The following SMYD2 variants were observed in gnomAD, a reference collection of about 807,000 sequenced individuals.
SMYD2 encodes the protein N-lysine methyltransferase SMYD2.
A neutral mutation model predicts 59.1 loss-of-function variants in SMYD2; 53 were observed. The observed-to-expected ratio is 0.90, with a 90% CI of 0.72 to 1.13. The LOEUF is 1.13. SMYD2 is among the 50% of genes most tolerant of loss of function. The probability of loss-of-function intolerance (pLI) is 0.00; values close to 1 mark genes in which losing one functional copy is unlikely to be tolerated. For synonymous variants in SMYD2, 208 were observed against 198.8 expected (o/e 1.05, Z -0.39); for missense variants, 494 against 544.7 (o/e 0.91, Z 0.93).
chr1:214,313,921 G>C (rs1657039199), intron 2 of SMYD2, among the ~76,000 whole-genome samples: 1 of 152,136 alleles, frequency 6.6e-6, no homozygotes, highest in East Asian at 1.9e-4. Context: ...GCTCACGCCT[G>C]TAATCCCTGC....
intron 1 of SMYD2, among the ~76,000 whole-genome samples, chr1:214,295,794 C>T (rs545753566): frequency 6.6e-6 from 1 of 152,264 alleles, no homozygotes; most frequent in African/African-American, 2.4e-5. Flanking sequence ...TATCCTTGTC[C>T]CCTGACCAGG....
At chr1:214,311,736 A>G (rs1380740390) in intron 2 of SMYD2, among the ~76,000 whole-genome samples, 1 of 152,140 alleles carries the variant, frequency 6.6e-6, no homozygotes, top group Non-Finnish European at 1.5e-5. Flanking sequence ...TAATAATTAT[A>G]TTAATAAATG....
chr1:214,285,570 C>T (rs551756816), intron 1 of SMYD2, among the ~76,000 whole-genome samples: 1 of 152,152 alleles, frequency 6.6e-6, no homozygotes, highest in African/African-American at 2.4e-5. Context: ...GGTGGTAAGA[C>T]TAAAACATAC....
At chr1:214,292,076 A>G (rs1656643811) in intron 1 of SMYD2, among the ~76,000 whole-genome samples, 1 of 137,110 alleles carries the variant, frequency 7.3e-6, no homozygotes, top group African/African-American at 2.9e-5. Flanking sequence ...CAGCTACTAA[A>G]TATTTTCTAG....
chr1:214,320,426 A>G (rs1657155077), intron 5 of SMYD2, among the ~76,000 whole-genome samples: 1 of 152,212 alleles, frequency 6.6e-6, no homozygotes, highest in African/African-American at 2.4e-5. Flanking sequence ...CATGCTAAGA[A>G]GGAGAAAAAG....
At chr1:214,303,882 G>T (rs1179837112) in intron 1 of SMYD2, among the ~76,000 whole-genome samples, 1 of 152,244 alleles carries the variant, frequency 6.6e-6, no homozygotes. Context: ...GCCGCTTCGT[G>T]CTGTCGGTAT....
rs1278025571 is a variant in SMYD2, at chr1:214,312,927, G to C, written c.238-1835G>C. The stretch of plus-strand genomic sequence containing the variant: ...AGTCCATGGGAGCAAGGACAGAAGC[G>C]GGCATCCAGTTAGAAGGCAGTGGCA... On this transcript the variant is annotated intron_variant, in intron 2 of 11. Transcript: ENST00000366957. The surrounding 1 kb of genome is among the most constrained non-coding windows in gnomAD (Gnocchi z 4.1). Among the ~76,000 whole-genome samples the C allele has an allele frequency of 6.6e-6, 1 of 152,166 alleles. No homozygotes were observed. The highest frequency in any genetic ancestry group is 6.5e-5 in the Admixed American group (1 of 15,278).
At chr1:214,317,092 G>A (rs1243120960) in intron 3 of SMYD2, among the ~76,000 whole-genome samples, 1 of 152,200 alleles carries the variant, frequency 6.6e-6, no homozygotes, top group Non-Finnish European at 1.5e-5. Flanking sequence ...TCCCAAGCGA[G>A]ATGACTTATA....
chr1:214,320,358 CTTTTTA>C (rs1657154130), intron 5 of SMYD2, among the ~76,000 whole-genome samples: 1 of 152,190 alleles, frequency 6.6e-6, no homozygotes, highest in African/African-American at 2.4e-5. Flanking sequence ...AAAATTTAGG[CTTTTTA>C]CTGGGTGACT....
At chr1:214,335,994 C>G (rs1186329801) in intron 11 of SMYD2, among the ~76,000 whole-genome samples, 1 of 152,114 alleles carries the variant, frequency 6.6e-6, no homozygotes, top group African/African-American at 2.4e-5. Context: ...AACTAAAAAT[C>G]AAAATAGCTT....
At chr1:214,296,949 T>C (rs980847253) in intron 1 of SMYD2, among the ~76,000 whole-genome samples, 2 of 152,234 alleles carry the variant, frequency 1.3e-5, no homozygotes, top group East Asian at 3.8e-4. Context: ...ACTTTATTCT[T>C]ATGTAAATGT....
rs760558197 is a variant in SMYD2 at position 214,281,345 on chromosome 1, G to C, written c.91G>C (p.Asp31His). 1 of 1,450,146 alleles carries C rather than the reference G, an allele frequency of 6.9e-7. No individual in the cohort carries two copies. Among genetic ancestry groups the C allele is most frequent in the Non-Finnish European group, 9.2e-7 (1 of 1,092,826 alleles). 89.8% of individuals were successfully genotyped at this position (1,450,146 alleles called of 1,614,324 possible). A position where few individuals can be genotyped will look rare whatever the true frequency, so the allele number is the denominator to read the frequency against. Residue 31 changes from aspartate to histidine, a missense_variant, in exon 1 of 12, where the codon GAC becomes CAC. Transcript: ENST00000366957. ...GGCTCTGCAGCCCTTCCAGGTGGGG[G>C]ACTTGCTGTTCTCCTGCCCGGCCTA... is the stretch of plus-strand genomic sequence containing the variant. ...LRALQPFQVGDLLFSCPAYAY... is the reference protein window; with the variant it reads ...LRALQPFQVGHLLFSCPAYAY...
intron 3 of SMYD2, 45 bp downstream of exon 3, chr1:214,314,917 C>T: frequency 6.8e-7 from 1 of 1,463,708 alleles, no homozygotes; most frequent in Non-Finnish European, 9.6e-7. Flanking sequence ...TTTTGTTTTT[C>T]TTTTAAAGGT....
At chr1:214,315,149 C>T (rs937393213) in intron 3 of SMYD2, among the ~76,000 whole-genome samples, 3 of 152,166 alleles carry the variant, frequency 2.0e-5, no homozygotes, top group Admixed American at 6.5e-5. Context: ...CATGGAAATA[C>T]GTGACATGAA....
intron 1 of SMYD2, among the ~76,000 whole-genome samples, chr1:214,304,225 G>T (rs139865395): frequency 2.6e-5 from 4 of 152,120 alleles, no homozygotes; most frequent in African/African-American, 9.6e-5. Context: ...GACAAAATGG[G>T]TATGTATAGC....
At chr1:214,292,121 A>AGAGAGAGAGAGAGAGAGAGAGAG (rs1553254071) in intron 1 of SMYD2, among the ~76,000 whole-genome samples, 1 of 146,616 alleles carries the variant, frequency 6.8e-6, no homozygotes, top group African/African-American at 2.5e-5. Context: ...AGAGAGAGAG[A>AGAGAGAGAGAGAGAGAGAGAGAG]AGCCCACCTC....
Position 214,318,688 on chromosome 1 carries a change from G to A in SMYD2, c.410-171G>A, listed in dbSNP as rs1657123536. On this transcript the variant is annotated intron_variant, in intron 4 of 11. Coordinates refer to ENST00000366957, the MANE Select transcript of SMYD2 (RefSeq NM_020197.3). The surrounding 1 kb of genome is among the most constrained non-coding windows in gnomAD (Gnocchi z 5.4). ...GGCTTGCTTTCTTTCCTTAGGGTTT[G>A]TCAGTTAAACCAAGTAATGGGGAAG... Among the ~76,000 whole-genome samples the A allele has an allele frequency of 6.6e-6, 1 of 151,834 alleles. No homozygotes were observed. The highest frequency in any genetic ancestry group is 2.1e-4 in the South Asian group (1 of 4,814).
rs527683092 is a variant in SMYD2, at chr1:214,281,490, G to A, written c.173+63G>A. On this transcript the variant is annotated intron_variant, in intron 1 of 11. Coordinates refer to ENST00000366957, the MANE Select transcript of SMYD2 (RefSeq NM_020197.3). The stretch of plus-strand genomic sequence containing the variant: ...GGGGCGCCGAGCGGGAGGCTTGGAC[G>A]GCGGCGCCAGGAAGTGCGTGCGGCT... 5 of 1,248,540 alleles carry A rather than the reference G, an allele frequency of 4.0e-6. No individual in the cohort carries two copies. In the South Asian group the frequency reaches 9.5e-5, roughly 24 times the overall value. 77.3% of individuals were successfully genotyped at this position (1,248,540 alleles called of 1,614,324 possible).
At chr1:214,327,365 TTG>T (rs1657279697) in intron 6 of SMYD2, 2 of 396,134 alleles carry the variant, frequency 5.0e-6, no homozygotes, top group Non-Finnish European at 9.4e-6. Flanking sequence ...GTTTTTGCTG[TTG>T]TGTGTTTTTT....
Sources: gnomAD v4.1 joint callset for allele counts (sites outside exome capture counted in the v4.1 genomes callset) on GRCh38, gnomAD v4.1.1 for gene constraint, Gnocchi (gnomAD v3.1) non-coding constraint, MANE v1.5 for transcripts, NCBI Gene and HGNC (gene_info 2026-07-23, HGNC 2026-07-21) for gene names.